The following TGFBR3 variants were observed in gnomAD, a reference collection of about 807,000 sequenced individuals.
The protein encoded by TGFBR3 is transforming growth factor beta receptor 3, also known as transforming growth factor beta receptor type 3.
A neutral mutation model predicts 87.9 loss-of-function variants in TGFBR3; 46 were observed. The ratio of observed to expected loss-of-function variants is 0.52; its 90% confidence interval spans 0.41 to 0.67. TGFBR3 has a LOEUF of 0.67. Ranked by LOEUF, TGFBR3 falls within the 30% of genes least tolerant of loss-of-function variation. The pLI is 0.00. For synonymous variants in TGFBR3, 381 were observed against 391.6 expected (o/e 0.97, Z 0.32); for missense variants, 866 against 1,041.9 (o/e 0.83, Z 2.32).
chr1:91,834,743 A>G (rs796419511), intron 2 of TGFBR3, among the ~76,000 whole-genome samples: 16 of 152,290 alleles, frequency 1.1e-4, no homozygotes, highest in African/African-American at 3.6e-4. Flanking sequence ...CAATGGCGCA[A>G]TCTTGGCTCA....
intron 12 of TGFBR3, among the ~76,000 whole-genome samples, chr1:91,713,292 G>C (rs984120834): frequency 6.6e-6 from 1 of 152,286 alleles, no homozygotes; most frequent in East Asian, 1.9e-4. Context: ...TATGGGCTAC[G>C]TCCAAATTTT....
At chr1:91,880,772 GAGA>G (rs895929562) in intron 1 of TGFBR3, among the ~76,000 whole-genome samples, 2 of 151,566 alleles carry the variant, frequency 1.3e-5, no homozygotes, top group African/African-American at 2.4e-5. Flanking sequence ...CCAACAATTT[GAGA>G]AGATGAGGCA....
intron 4 of TGFBR3, among the ~76,000 whole-genome samples, chr1:91,744,317 C>T (rs1471063201): frequency 6.6e-6 from 1 of 152,062 alleles, no homozygotes; most frequent in East Asian, 1.9e-4. Context: ...AACTCCTGAC[C>T]TCAGGTGATC....
At chr1:91,856,030 G>C (rs1677930453) in intron 2 of TGFBR3, among the ~76,000 whole-genome samples, 1 of 151,902 alleles carries the variant, frequency 6.6e-6, no homozygotes, top group Non-Finnish European at 1.5e-5. Context: ...AGTGCTATAT[G>C]ATAACGAAGG....
intron 2 of TGFBR3, among the ~76,000 whole-genome samples, chr1:91,836,984 G>A (rs11165595): frequency 0.32 from 48,925 of 151,864 alleles, 8,091 homozygotes; most frequent in Non-Finnish European, 0.36. Context: ...TACTTAACAC[G>A]ACAAGATACT....
At position 91,729,926 on chromosome 1, in the gene TGFBR3, G is replaced by T. The variant is rs898918000; in HGVS notation, c.616C>A (p.Leu206Ile). 7 of 1,614,072 alleles carry T rather than the reference G, an allele frequency of 4.3e-6. No individual in the cohort carries two copies. The African/African-American group carries it at 5.3e-5, about 12-fold the overall frequency. The change falls in exon 6 of 17, where the codon CTC becomes ATC. Residue 206 changes from leucine (L) to isoleucine (I), a missense_variant. Physicochemically the swap from Leu to Ile is conservative, Grantham distance 5. Transcript: ENST00000212355. ...KCNIGKNFLS[L>I]NYLAEYLQPK... The stretch of plus-strand genomic sequence containing the variant: ...TGAAGGTACTCAGCAAGGTAATTGA[G>T]TGAGAGAAAATTCTTCCCTATGTTG...
intron 2 of TGFBR3, among the ~76,000 whole-genome samples, chr1:91,828,126 T>C (rs1340574477): frequency 6.6e-6 from 1 of 152,258 alleles, no homozygotes; most frequent in East Asian, 1.9e-4. Flanking sequence ...CCTCTCACAG[T>C]CTTCTTTATC....
chr1:91,892,103 C>T (rs1189145781), intron 2 of TGFBR3, among the ~76,000 whole-genome samples: 1 of 152,220 alleles, frequency 6.6e-6, no homozygotes, highest in East Asian at 1.9e-4. Context: ...TGCAAACTCA[C>T]CATTTCCTGT....
chr1:91,852,596 C>T (rs1248700687), intron 2 of TGFBR3, among the ~76,000 whole-genome samples: 1 of 152,104 alleles, frequency 6.6e-6, no homozygotes. Context: ...GACCTAGTTT[C>T]GCTCTTGTTG....
At chr1:91,758,828 C>T (rs1673846092) in intron 3 of TGFBR3, 78 bp from the exon 4 acceptor site, 2 of 1,582,938 alleles carry the variant, frequency 1.3e-6, no homozygotes, top group African/African-American at 2.7e-5. Flanking sequence ...CTCTGGAATA[C>T]TTTTTTTGCA....
chr1:91,864,694 G>A (rs953947907), intron 1 of TGFBR3, among the ~76,000 whole-genome samples: 1 of 152,174 alleles, frequency 6.6e-6, no homozygotes, highest in African/African-American at 2.4e-5. Context: ...GTACACCTCA[G>A]TGCCTTAACA....
chr1:91,760,594 A>C (rs1673923713), intron 3 of TGFBR3, among the ~76,000 whole-genome samples: 1 of 151,050 alleles, frequency 6.6e-6, no homozygotes, highest in Non-Finnish European at 1.5e-5. Flanking sequence ...GCTAATTTGC[A>C]AAAAAATACA....
At chr1:91,789,609 CG>C (rs1041934039) in intron 3 of TGFBR3, among the ~76,000 whole-genome samples, 2 of 152,182 alleles carry the variant, frequency 1.3e-5, no homozygotes, top group African/African-American at 4.8e-5. Flanking sequence ...TCCTAAACCC[CG>C]GTGTTTGCTA....
At chr1:91,878,936 T>C (rs531732251) in intron 1 of TGFBR3, among the ~76,000 whole-genome samples, 1 of 152,284 alleles carries the variant, frequency 6.6e-6, no homozygotes, top group Non-Finnish European at 1.5e-5. Flanking sequence ...GAGCTAACAT[T>C]TCAGACTTAA....
chr1:91,758,831 T>C, intron 3 of TGFBR3, 81 bp from the exon 4 acceptor site: 1 of 1,558,606 alleles, frequency 6.4e-7, no homozygotes, highest in Non-Finnish European at 8.8e-7. Flanking sequence ...TGGAATACTT[T>C]TTTTGCAACT....
intron 3 of TGFBR3, among the ~76,000 whole-genome samples, chr1:91,795,544 G>A (rs1675348521): frequency 6.6e-6 from 1 of 152,184 alleles, no homozygotes; most frequent in Non-Finnish European, 1.5e-5. Context: ...TGTTTTCAGA[G>A]TCAACAACAG....
At chr1:91,875,929 A>AT (rs1678787231) in intron 1 of TGFBR3, among the ~76,000 whole-genome samples, 1 of 150,438 alleles carries the variant, frequency 6.6e-6, no homozygotes, top group Non-Finnish European at 1.5e-5. Context: ...AAAAAAAAAA[A>AT]GAAAGAAAAA....
chr1:91,712,033 T>G (rs1042880256), intron 13 of TGFBR3, among the ~76,000 whole-genome samples: 2 of 152,202 alleles, frequency 1.3e-5, no homozygotes, highest in South Asian at 2.1e-4. Context: ...TACTACTAAG[T>G]AGCACGCATG....
intron 14 of TGFBR3, among the ~76,000 whole-genome samples, chr1:91,708,041 T>G (rs1671853979): frequency 6.6e-6 from 1 of 152,212 alleles, no homozygotes; most frequent in South Asian, 2.1e-4. Context: ...GCCACACCCC[T>G]TAGGGCACAG....
Sources: gnomAD v4.1 joint callset for allele counts (sites outside exome capture counted in the v4.1 genomes callset) on GRCh38, gnomAD v4.1.1 for gene constraint, MANE v1.5 for transcripts, NCBI Gene and HGNC (gene_info 2026-07-23, HGNC 2026-07-21) for gene names.